PDS5A: variants seen among roughly 807,000 people sequenced by gnomAD.
PDS5A encodes PDS5 cohesin associated factor A.
PDS5A carries 42 observed loss-of-function variants against 167.1 expected under a neutral mutation model. The ratio of observed to expected loss-of-function variants is 0.25; its 90% CI spans 0.20 to 0.33. PDS5A has a LOEUF of 0.33. PDS5A is among the 10% of genes least tolerant of loss of function. PDS5A has a pLI of 1.00. For missense variants in PDS5A, 1,033 were observed against 1,605.9 expected (o/e 0.64, Z 6.10); for synonymous variants, 553 against 554.6 (o/e 1.00, Z 0.04).
At chr4:39,891,191 G>A (rs1057294419) in intron 16 of PDS5A, among the ~76,000 whole-genome samples, 2 of 151,186 alleles carry the variant, frequency 1.3e-5, no homozygotes, top group African/African-American at 4.9e-5. Context: ...ACGCCACCAT[G>A]CCCGGCTAAT....
At chr4:39,836,301 G>A (rs1005792332) in intron 32 of PDS5A, among the ~76,000 whole-genome samples, 7 of 152,186 alleles carry the variant, frequency 4.6e-5, no homozygotes, top group Non-Finnish European at 8.8e-5. Flanking sequence ...GTGAGTAGGA[G>A]GAACACACTA....
At chr4:39,922,011 G>GA (rs930052228) in intron 6 of PDS5A, among the ~76,000 whole-genome samples, 39 of 152,306 alleles carry the variant, frequency 2.6e-4, no homozygotes, top group African/African-American at 9.4e-4. Flanking sequence ...ACCACTAGAA[G>GA]AAAAGAGCAG....
rs182690735 is a variant in PDS5A at position 39,933,985 on chromosome 4, C to T, written c.139-5821G>A. On this transcript the variant is annotated intron_variant, in intron 2 of 32. Transcript: ENST00000303538. ...GTGAGCTGTTGTGTGTATGTGTGTGCGGGCAGGCACATACACAGCAGCTTT... is the reference window on the plus strand; with the variant it reads ...GTGAGCTGTTGTGTGTATGTGTGTGTGGGCAGGCACATACACAGCAGCTTT... Among the ~76,000 whole-genome samples, 147 of 152,152 alleles carry T rather than the reference C, an allele frequency of 9.7e-4. 3 individuals carry two copies. In the South Asian group the frequency reaches 0.022, roughly 23 times the overall value.
At chr4:39,970,859 AG>A (rs1371771147) in intron 2 of PDS5A, among the ~76,000 whole-genome samples, 1 of 122,474 alleles carries the variant, frequency 8.2e-6, no homozygotes, top group Non-Finnish European at 1.6e-5. Flanking sequence ...GTGCAGTGGT[AG>A]GATCACGGTT....
chr4:39,848,014 G>A (rs913411180), intron 28 of PDS5A: 4 of 152,182 alleles, frequency 2.6e-5, no homozygotes, highest in African/African-American at 9.7e-5. Context: ...CTATGCCTGC[G>A]AGGGATCTAG....
At chr4:39,975,897 C>T (rs186702497) in intron 2 of PDS5A, among the ~76,000 whole-genome samples, 3 of 152,256 alleles carry the variant, frequency 2.0e-5, no homozygotes, top group Admixed American at 2.0e-4. Flanking sequence ...GCTGACACCT[C>T]ATAAAAAGGG....
At chr4:39,859,757 A>G (rs1303495326) in intron 26 of PDS5A, among the ~76,000 whole-genome samples, 1 of 152,228 alleles carries the variant, frequency 6.6e-6, no homozygotes, top group Non-Finnish European at 1.5e-5. Context: ...CGAGCTCTCC[A>G]CAAGTCTGGG....
chr4:39,920,346 G>T lies in PDS5A; in HGVS notation c.708C>A (p.Val236=). The part of the protein sequence containing the change: ...DLAKVLLKRT[V]QTIEACIANF... ...TAGCAATGCATGCCTCAATAGTCTG[G>T]ACTGTTCTTTTCAATAGCACTTTTG... Residue 236 remains valine (V), a synonymous_variant, in exon 7 of 33, where the codon GTC becomes GTA. Transcript: ENST00000303538. 6.5e-7 allele frequency: 1 copy of T among 1,546,454 alleles called. No individual in the cohort carries two copies. Among genetic ancestry groups the T allele is most frequent in the Non-Finnish European group, 8.9e-7 (1 of 1,122,402 alleles).
chr4:39,961,741 CAATT>C (rs1457378013), intron 2 of PDS5A, among the ~76,000 whole-genome samples: 3 of 152,132 alleles, frequency 2.0e-5, no homozygotes, highest in African/African-American at 7.2e-5. Context: ...AACTGTTTAA[CAATT>C]AACTGTGAAA....
chr4:39,971,588 T>C (rs1279674395), intron 2 of PDS5A, among the ~76,000 whole-genome samples: 2 of 151,690 alleles, frequency 1.3e-5, no homozygotes, highest in African/African-American at 2.4e-5. Context: ...GCCACAGGAG[T>C]AGCTGAGATT....
Position 39,946,771 on chromosome 4 carries a change from T to C in PDS5A, c.139-18607A>G, listed in dbSNP as rs187585678. ...CTCTACTAAAAATACAAAAAATCAG[T>C]CAGGCGTGGCGGGCACCTGTAATCC... On this transcript the variant is annotated intron_variant, in intron 2 of 32. Transcript: ENST00000303538. 2.0e-4 allele frequency among the ~76,000 whole-genome samples: 30 copies of C among 151,110 alleles called. No individual in the cohort carries two copies. The East Asian group carries it at 5.7e-3, about 29-fold the overall frequency.
At chr4:39,944,174 G>A (rs1445260176) in intron 2 of PDS5A, among the ~76,000 whole-genome samples, 6 of 82,534 alleles carry the variant, frequency 7.3e-5, no homozygotes, top group Non-Finnish European at 1.5e-4. Context: ...GTGAGACTCC[G>A]TCTCAAAAAA....
intron 26 of PDS5A, 103 bp from the exon 27 acceptor site, chr4:39,849,755 A>G (rs1464617493): frequency 2.9e-6 from 2 of 689,724 alleles, no homozygotes; most frequent in Non-Finnish European, 4.8e-6. Context: ...AAAATAAAAT[A>G]AAATGATCAA....
At chr4:39,973,016 T>G (rs2109830160) in intron 2 of PDS5A, 1 of 529,870 alleles carries the variant, frequency 1.9e-6, no homozygotes, top group Non-Finnish European at 3.4e-6. Flanking sequence ...TTCCTTTCCT[T>G]TTTAAATTTA....
At chr4:39,881,849 C>G (rs1050921702) in intron 17 of PDS5A, among the ~76,000 whole-genome samples, 2 of 152,236 alleles carry the variant, frequency 1.3e-5, no homozygotes, top group African/African-American at 4.8e-5. Flanking sequence ...ATAAGCCCCA[C>G]ATGCCAAGGG....
At chr4:39,959,721 G>A (rs775557737) in intron 2 of PDS5A, among the ~76,000 whole-genome samples, 8 of 152,020 alleles carry the variant, frequency 5.3e-5, no homozygotes, top group South Asian at 2.1e-4. Context: ...TTGGGAGACC[G>A]AGGCAGGTGG....
chr4:39,902,125 C>T (rs1326432047), intron 13 of PDS5A, among the ~76,000 whole-genome samples: 1 of 152,180 alleles, frequency 6.6e-6, no homozygotes, highest in African/African-American at 2.4e-5. Flanking sequence ...TTTATTTGAA[C>T]ACCTGAAACC....
intron 2 of PDS5A, among the ~76,000 whole-genome samples, chr4:39,963,510 A>AAAT (rs1156746981): frequency 2.0e-5 from 3 of 151,826 alleles, no homozygotes; most frequent in Non-Finnish European, 2.9e-5. Flanking sequence ...GCCACTCTCA[A>AAAT]AATAATAATA....
Position 39,845,904 on chromosome 4 carries a change from GA to G in PDS5A, c.3340-25del. On this transcript the variant is annotated intron_variant, in intron 28 of 32. Coordinates refer to ENST00000303538, the MANE Select transcript of PDS5A (RefSeq NM_001100399.2). The stretch of plus-strand genomic sequence containing the variant: ...TCCTATTAAAAAAAAAAAAGAAAAA[GA>G]AAAAAGAAACACCAATCAAAGGAAC... 6 of 1,289,316 alleles carry G rather than the reference GA, an allele frequency of 4.7e-6. No homozygotes were observed. The East Asian group carries it at 1.3e-4, about 27-fold the overall frequency. 79.9% of individuals were successfully genotyped at this position (1,289,316 alleles called of 1,614,324 possible). A position where few individuals can be genotyped will look rare whatever the true frequency, so the allele number is the denominator to read the frequency against.
Sources: gnomAD v4.1 joint callset for allele counts (sites outside exome capture counted in the v4.1 genomes callset) on GRCh38, gnomAD v4.1.1 for gene constraint, MANE v1.5 for transcripts, NCBI Gene and HGNC (gene_info 2026-07-23, HGNC 2026-07-21) for gene names.